Variants in RAP1GDS1 observed in about 807,000 individuals in gnomAD.
RAP1GDS1 encodes Rap1 GTPase-GDP dissociation stimulator 1, also known as RAP1, GTP-GDP dissociation stimulator 1.
In RAP1GDS1, 35 loss-of-function variants were observed where a neutral mutation model predicts 71.1. The ratio of observed to expected loss-of-function variants is 0.49; its 90% confidence interval spans 0.38 to 0.65. The LOEUF is 0.65. Among genes scored for constraint, RAP1GDS1 ranks in the 30% least tolerant of loss-of-function variants. The pLI is 0.00. For synonymous variants in RAP1GDS1, 229 were observed against 243.1 expected, an observed-to-expected ratio of 0.94 and a Z score of 0.54; for missense variants, 663 against 706.1, an observed-to-expected ratio of 0.94 and a Z score of 0.69.
intron 3 of RAP1GDS1, among the ~76,000 whole-genome samples, chr4:98,345,098 G>T (rs888981721): frequency 1.1e-4 from 17 of 152,146 alleles, no homozygotes; most frequent in Non-Finnish European, 1.9e-4. Context: ...CTCACAAAGG[G>T]CTGGGATTAC....
intron 2 of RAP1GDS1, among the ~76,000 whole-genome samples, chr4:98,311,262 C>G (rs1730175563): frequency 6.6e-6 from 1 of 152,134 alleles, no homozygotes; most frequent in African/African-American, 2.4e-5. Context: ...TACTGTCATA[C>G]TGTCTAGAGG....
rs1334921661 is a variant in RAP1GDS1, at chr4:98,324,410, G to T, written c.113-18729G>T. On this transcript the variant is annotated intron_variant, in intron 2 of 14. Transcript: ENST00000408927. ...ACCAATGACTTTCTTCACAGAATTG[G>T]AAAAAACTACTTTAAAGTTCATATG... 2.0e-5 allele frequency among the ~76,000 whole-genome samples: 3 copies of T among 151,928 alleles called. No individual in the cohort carries two copies. The East Asian group carries it at 5.8e-4, about 29-fold the overall frequency.
intron 4 of RAP1GDS1, among the ~76,000 whole-genome samples, chr4:98,360,776 A>G (rs906339440): frequency 1.3e-5 from 2 of 152,180 alleles, no homozygotes; most frequent in Non-Finnish European, 2.9e-5. Flanking sequence ...GCTACGTAAA[A>G]GTGAATAATT....
intron 2 of RAP1GDS1, among the ~76,000 whole-genome samples, chr4:98,301,560 C>A (rs1362708657): frequency 6.6e-6 from 1 of 152,092 alleles, no homozygotes; most frequent in Admixed American, 6.6e-5. Context: ...AAATAAATAT[C>A]CAAATCTAGC....
chr4:98,431,389 T>G (rs571149304), intron 12 of RAP1GDS1, among the ~76,000 whole-genome samples: 1 of 152,364 alleles, frequency 6.6e-6, no homozygotes, highest in Admixed American at 6.5e-5. Context: ...TTCAACAGTC[T>G]TAACCTGGGT....
At chr4:98,391,860 A>T in intron 5 of RAP1GDS1, 92 bp from the exon 6 acceptor site, 1 of 1,219,940 alleles carries the variant, frequency 8.2e-7, no homozygotes. Flanking sequence ...TGAGTTTCCA[A>T]TAGGGAAAAT....
At chr4:98,423,945 G>C (rs1399753896) in intron 12 of RAP1GDS1, among the ~76,000 whole-genome samples, 1 of 152,144 alleles carries the variant, frequency 6.6e-6, no homozygotes, top group African/African-American at 2.4e-5. Context: ...CTGAATTAAG[G>C]TTTTGAGTTG....
At chr4:98,321,170 A>G (rs1731809697) in intron 2 of RAP1GDS1, among the ~76,000 whole-genome samples, 1 of 144,666 alleles carries the variant, frequency 6.9e-6, no homozygotes, top group South Asian at 2.2e-4. Context: ...AAAGGATATC[A>G]GCAATGGAAG....
chr4:98,311,131 C>T (rs961441107), intron 2 of RAP1GDS1, among the ~76,000 whole-genome samples: 1 of 152,114 alleles, frequency 6.6e-6, no homozygotes, highest in Non-Finnish European at 1.5e-5. Flanking sequence ...GCACTTTAAA[C>T]CATAAGGTTT....
Position 98,279,652 on chromosome 4 carries a change from C to T in RAP1GDS1, c.5-13756C>T, listed in dbSNP as rs191218933. On this transcript the variant is annotated intron_variant, in intron 1 of 14. Coordinates refer to ENST00000408927, the MANE Select transcript of RAP1GDS1 (RefSeq NM_001100427.2). Reference sequence around the variant, plus strand: ...TACTTTAAGTCCTGGGGTACATGTGCACAACGTACAGGTTTGTTACATAAG... The same window carrying T: ...TACTTTAAGTCCTGGGGTACATGTGTACAACGTACAGGTTTGTTACATAAG... Among the ~76,000 whole-genome samples, 516 of 152,114 alleles carry T rather than the reference C, an allele frequency of 3.4e-3. 2 individuals carry two copies. The highest frequency in any genetic ancestry group is 0.012 in the African/African-American group (484 of 41,496).
intron 1 of RAP1GDS1, 93 bp from the exon 2 acceptor site, chr4:98,293,315 C>A (rs931618571): frequency 1.3e-6 from 1 of 782,604 alleles, no homozygotes. Context: ...TTATAGGAAG[C>A]TCTCCAGTTT....
At chr4:98,290,621 A>G (rs1387128510) in intron 1 of RAP1GDS1, among the ~76,000 whole-genome samples, 1 of 152,112 alleles carries the variant, frequency 6.6e-6, no homozygotes, top group South Asian at 2.1e-4. Context: ...CTAAGATAAA[A>G]GAAAAAAAAG....
intron 4 of RAP1GDS1, among the ~76,000 whole-genome samples, chr4:98,357,500 T>G (rs1438702989): frequency 6.6e-6 from 1 of 151,900 alleles, no homozygotes; most frequent in Non-Finnish European, 1.5e-5. Context: ...AAATATAGAT[T>G]GAAGTAGATG....
At chr4:98,404,329 C>A in intron 6 of RAP1GDS1, 148 bp from the exon 7 acceptor site, 2 of 713,962 alleles carry the variant, frequency 2.8e-6, no homozygotes, top group Non-Finnish European at 2.0e-6. Flanking sequence ...TTTTCCTTTT[C>A]AGGGACATTA....
chr4:98,387,012 CT>C (rs1453352721), intron 5 of RAP1GDS1, among the ~76,000 whole-genome samples: 4 of 152,074 alleles, frequency 2.6e-5, no homozygotes, highest in African/African-American at 7.2e-5. Flanking sequence ...TGTATTAGAA[CT>C]TTTCATCAAG....
At chr4:98,297,848 G>C (rs533775333) in intron 2 of RAP1GDS1, among the ~76,000 whole-genome samples, 1 of 152,310 alleles carries the variant, frequency 6.6e-6, no homozygotes, top group African/African-American at 2.4e-5. Context: ...AGGAAAGCAT[G>C]TCGAAAGCGG....
At chr4:98,326,959 A>T (rs1373860443) in intron 2 of RAP1GDS1, among the ~76,000 whole-genome samples, 1 of 152,188 alleles carries the variant, frequency 6.6e-6, no homozygotes, top group Non-Finnish European at 1.5e-5. Context: ...CCACACACAG[A>T]CGAGGAGAAA....
At chr4:98,411,442 C>T (rs1322960817) in intron 7 of RAP1GDS1, among the ~76,000 whole-genome samples, 1 of 150,116 alleles carries the variant, frequency 6.7e-6, no homozygotes, top group Non-Finnish European at 1.5e-5. Context: ...CAGCAAGACC[C>T]TGTCTCAAAA....
chr4:98,440,631 T>A (rs1171550965), intron 14 of RAP1GDS1, among the ~76,000 whole-genome samples: 1 of 152,212 alleles, frequency 6.6e-6, no homozygotes, highest in Non-Finnish European at 1.5e-5. Context: ...GTGGGCCATT[T>A]GTATATCTTC....
Sources: gnomAD v4.1 joint callset for allele counts (sites outside exome capture counted in the v4.1 genomes callset) on GRCh38, gnomAD v4.1.1 for gene constraint, MANE v1.5 for transcripts, NCBI Gene and HGNC (gene_info 2026-07-23, HGNC 2026-07-21) for gene names.